PPFIBP2: variants seen among roughly 807,000 people sequenced by gnomAD.
The protein encoded by PPFIBP2 is PPFIB scaffold protein 2.
PPFIBP2 carries 118 observed loss-of-function variants against 118.3 expected under a neutral mutation model. The observed-to-expected ratio is 1.00, with a 90% confidence interval of 0.86 to 1.16. The LOEUF (loss-of-function observed/expected upper bound fraction) is 1.16, where lower values mean the gene tolerates loss of function less well. Among genes scored for constraint, PPFIBP2 ranks in the 50% most tolerant of loss-of-function variants. The pLI is 0.00. For missense variants in PPFIBP2, 1,195 were observed against 1,073.1 expected (o/e 1.11, Z -1.59); for synonymous variants, 414 against 397.4 (o/e 1.04, Z -0.50).
intron 2 of PPFIBP2, among the ~76,000 whole-genome samples, chr11:7,558,888 A>C (rs963749625): frequency 1.3e-5 from 2 of 152,258 alleles, no homozygotes; most frequent in African/African-American, 4.8e-5. Context: ...AAAAATTCTC[A>C]GGTGACCTCT....
chr11:7,537,363 C>G (rs1229806800), intron 1 of PPFIBP2, among the ~76,000 whole-genome samples: 2 of 152,218 alleles, frequency 1.3e-5, no homozygotes, highest in Non-Finnish European at 2.9e-5. Context: ...GCAGCAGCTT[C>G]TCAAAGGAGA....
intron 2 of PPFIBP2, among the ~76,000 whole-genome samples, chr11:7,562,952 TATATATATATATATATATATATATAC>T (rs1564976457): frequency 3.0e-5 from 1 of 33,130 alleles, no homozygotes; most frequent in Non-Finnish European, 6.3e-5. Context: ...TATATATATA[TATATATATATATATATATATATATAC>T]ACGCACACAC....
intron 2 of PPFIBP2, among the ~76,000 whole-genome samples, chr11:7,564,227 A>T (rs1047100571): frequency 1.3e-5 from 2 of 152,080 alleles, no homozygotes; most frequent in African/African-American, 4.8e-5. Context: ...GAAAGAGCTG[A>T]CCCAATATAC....
chr11:7,629,475 A>T lies in PPFIBP2; in HGVS notation c.905A>T (p.Glu302Val). Reference protein sequence around the residue: ...ANEDKDRRIEELTGLLNQYRK... With the variant: ...ANEDKDRRIEVLTGLLNQYRK... The stretch of plus-strand genomic sequence containing the variant: ...CTATGGCAGGACCGTCGGATAGAGG[A>T]GCTTACGGGGCTGTTAAACCAGTAC... The change falls in exon 10 of 24, where the codon GAG becomes GTG. Residue 302 changes from glutamate (E) to valine (V), a missense_variant. Glu to Val is a moderately radical substitution (Grantham distance 121, BLOSUM62 -2). Coordinates refer to ENST00000299492, the MANE Select transcript of PPFIBP2 (RefSeq NM_003621.5). 1 of 1,614,102 alleles carries T rather than the reference A, an allele frequency of 6.2e-7. No homozygotes were observed. The highest frequency in any genetic ancestry group is 1.1e-5 in the South Asian group (1 of 91,070).
chr11:7,613,090 CT>C (rs1197897305), intron 6 of PPFIBP2, among the ~76,000 whole-genome samples: 71 of 150,140 alleles, frequency 4.7e-4, no homozygotes, highest in Admixed American at 7.3e-4. Context: ...AGGCAGGATT[CT>C]TTTTTTTTTC....
intron 4 of PPFIBP2, among the ~76,000 whole-genome samples, chr11:7,594,916 C>CAAAAAAAA (rs58084975): frequency 6.9e-4 from 44 of 63,882 alleles, no homozygotes; most frequent in African/African-American, 8.9e-4. Flanking sequence ...GACTCCATCT[C>CAAAAAAAA]AAAAAAAAAA....
At chr11:7,554,752 G>C (rs1853394743) in intron 2 of PPFIBP2, among the ~76,000 whole-genome samples, 1 of 151,142 alleles carries the variant, frequency 6.6e-6, no homozygotes, top group African/African-American at 2.5e-5. Flanking sequence ...TTGTAAAGTT[G>C]AATTCTTGAA....
intron 3 of PPFIBP2, among the ~76,000 whole-genome samples, chr11:7,583,389 C>T (rs570272034): frequency 2.0e-5 from 3 of 152,286 alleles, no homozygotes; most frequent in African/African-American, 7.2e-5. Flanking sequence ...ACAGTCACAG[C>T]GCCCACTCCA....
chr11:7,662,379 A>G, the PPFIBP2 span, among the ~76,000 whole-genome samples: 2 of 152,208 alleles, frequency 1.3e-5, no homozygotes, highest in South Asian at 4.2e-4. Flanking sequence ...CTTGTCTGTA[A>G]AGTGTTTTAT....
intron 4 of PPFIBP2, chr11:7,597,297 T>G: frequency 6.5e-7 from 1 of 1,535,576 alleles, no homozygotes; most frequent in Non-Finnish European, 8.7e-7. Context: ...GGCTGTTGGG[T>G]GTTTTACTCT....
rs769425952 is a variant in PPFIBP2, at chr11:7,634,557, G to T, written c.1194+5G>T. ...AGAAGTGAATCTGTGGATAAGGTCG[G>T]CTCATCAACCTATCCTTAAAGATGA... On this transcript the variant is annotated splice_donor_5th_base_variant and intron_variant, in intron 13 of 23. Transcript: ENST00000299492. 1.6e-5 allele frequency: 26 copies of T among 1,610,814 alleles called. No individual in the cohort carries two copies. Among genetic ancestry groups the T allele is most frequent in the Middle Eastern group, 3.3e-4 (2 of 6,080 alleles).
chr11:7,552,025 A>G (rs1304159772), intron 2 of PPFIBP2, among the ~76,000 whole-genome samples: 2 of 152,202 alleles, frequency 1.3e-5, no homozygotes, highest in African/African-American at 4.8e-5. Flanking sequence ...CCATCTTGGA[A>G]GGTTCTATCT....
rs770589693 is a variant in PPFIBP2 at position 7,620,923 on chromosome 11, C to T, written c.619-12C>T. ...AACCATCAGAACTTTGTCTTTCTCC[C>T]TCATCCCCTAGGAGTTACTGCAAGA... On this transcript the variant is annotated splice_polypyrimidine_tract_variant and intron_variant, in intron 6 of 23. Coordinates refer to ENST00000299492, the MANE Select transcript of PPFIBP2 (RefSeq NM_003621.5). The T allele has an allele frequency of 1.3e-6, 2 of 1,582,096 alleles. No homozygotes were observed. The highest frequency in any genetic ancestry group is 2.2e-5 in the East Asian group (1 of 44,738).
intron 3 of PPFIBP2, among the ~76,000 whole-genome samples, chr11:7,570,838 C>G (rs1178457875): frequency 6.6e-6 from 1 of 152,186 alleles, no homozygotes; most frequent in East Asian, 1.9e-4. Context: ...CTCAGTTTCC[C>G]TACTGGAAAT....
At chr11:7,528,786 C>G (rs1850435688) in intron 1 of PPFIBP2, among the ~76,000 whole-genome samples, 2 of 152,276 alleles carry the variant, frequency 1.3e-5, no homozygotes, top group South Asian at 4.1e-4. Flanking sequence ...TGTTCAAGCT[C>G]TGAGCAGGTG....
intron 21 of PPFIBP2, 105 bp from the exon 22 acceptor site, chr11:7,650,735 T>C: frequency 7.7e-7 from 1 of 1,293,446 alleles, no homozygotes; most frequent in South Asian, 1.7e-5. Context: ...CCTTCTATTG[T>C]TGTGATGCGT....
In PPFIBP2 at chr11:7,557,763, T is replaced by G. The variant is rs550146801; in HGVS notation, c.65-7790T>G. ...GCATTCTAGAGCAGTTGTAGAGCAT[T>G]TGGGGATGCAGATTCATATTTGTAG... is the stretch of plus-strand genomic sequence containing the variant. On this transcript the variant is annotated intron_variant, in intron 2 of 23. Transcript: ENST00000299492. 2.0e-5 allele frequency among the ~76,000 whole-genome samples: 3 copies of G among 152,322 alleles called. No homozygotes were observed. The East Asian group carries it at 5.8e-4, about 29-fold the overall frequency.
intron 2 of PPFIBP2, among the ~76,000 whole-genome samples, chr11:7,561,745 A>C (rs1247806384): frequency 6.6e-6 from 1 of 152,380 alleles, no homozygotes; most frequent in East Asian, 1.9e-4. Context: ...ATTACCCCAA[A>C]CATAACATCA....
chr11:7,609,319 T>A (rs1291660396), intron 5 of PPFIBP2, among the ~76,000 whole-genome samples: 1 of 152,238 alleles, frequency 6.6e-6, no homozygotes, highest in Non-Finnish European at 1.5e-5. Flanking sequence ...TCTGTTCATT[T>A]GGCCCATTGC....
Sources: allele counts gnomAD v4.1 joint callset (sites outside exome capture counted in the v4.1 genomes callset), GRCh38; gene constraint gnomAD v4.1.1; transcripts MANE v1.5; gene names NCBI Gene and HGNC (gene_info 2026-07-23, HGNC 2026-07-21).